The following RELN variants were observed in gnomAD, a reference collection of about 807,000 sequenced individuals.
RELN encodes reelin.
RELN carries 108 observed loss-of-function variants against 427.6 expected under a neutral mutation model. That is an observed-to-expected ratio of 0.25 (90% CI 0.22 to 0.30). The LOEUF (loss-of-function observed/expected upper bound fraction) is 0.30, where lower values mean the gene tolerates loss of function less well. Ranked by LOEUF, RELN falls within the 10% of genes least tolerant of loss-of-function variation. The probability of loss-of-function intolerance (pLI) is 1.00; values close to 1 mark genes in which losing one functional copy is unlikely to be tolerated. For missense variants in RELN, 3,715 were observed against 4,302.8 expected (o/e 0.86, Z 3.82); for synonymous variants, 1,524 against 1,513.4 (o/e 1.01, Z -0.16).
intron 7 of RELN, among the ~76,000 whole-genome samples, chr7:103,723,932 T>C (rs778539100): frequency 6.6e-6 from 1 of 152,180 alleles, no homozygotes; most frequent in Admixed American, 6.5e-5. Flanking sequence ...TAAGCAAAAT[T>C]TCCCCCTTCT....
chr7:103,752,960 G>A (rs1279314258), intron 5 of RELN, among the ~76,000 whole-genome samples: 3 of 152,108 alleles, frequency 2.0e-5, no homozygotes. Flanking sequence ...GTACTAACAG[G>A]TGTGAAAGTT....
chr7:103,707,010 T>C (rs192644511), intron 8 of RELN, among the ~76,000 whole-genome samples: 47 of 152,280 alleles, frequency 3.1e-4, no homozygotes, highest in African/African-American at 9.9e-4. Flanking sequence ...GGTCTCACTG[T>C]GTTGCACAGG....
At chr7:103,867,256 A>G (rs1029855928) in intron 2 of RELN, among the ~76,000 whole-genome samples, 2 of 152,106 alleles carry the variant, frequency 1.3e-5, no homozygotes, top group Non-Finnish European at 2.9e-5. Flanking sequence ...ACCGTGAAAC[A>G]GTACCTTCAT....
chr7:103,825,371 T>A (rs1793112157), intron 3 of RELN, among the ~76,000 whole-genome samples: 1 of 152,068 alleles, frequency 6.6e-6, no homozygotes, highest in Admixed American at 6.6e-5. Context: ...CCAGAGGCAA[T>A]TCTCACTTGT....
At position 103,531,441 on chromosome 7, in the gene RELN, G is replaced by A. The variant is rs562493008; in HGVS notation, c.7349+3875C>T. Among the ~76,000 whole-genome samples, 6 of 152,298 alleles carry A rather than the reference G, an allele frequency of 3.9e-5. No homozygotes were observed. In the South Asian group the frequency reaches 1.0e-3, roughly 26 times the overall value. Reference sequence around the variant, plus strand: ...AGCAATGTCTGGAGCAGAGCGTGATGTAGTCTGGAGCAGAGTGTGATGTAT... The same window carrying A: ...AGCAATGTCTGGAGCAGAGCGTGATATAGTCTGGAGCAGAGTGTGATGTAT... On this transcript the variant is annotated intron_variant, in intron 46 of 64. Coordinates refer to ENST00000428762, the MANE Select transcript of RELN (RefSeq NM_005045.4).
intron 28 of RELN, among the ~76,000 whole-genome samples, chr7:103,583,334 C>T (rs1186576946): frequency 1.3e-5 from 2 of 152,178 alleles, no homozygotes; most frequent in Admixed American, 1.3e-4. Flanking sequence ...CTAAAAAAAT[C>T]CCCTCTCATG....
intron 4 of RELN, 108 bp from the exon 5 acceptor site, chr7:103,753,322 C>T (rs750697885): frequency 6.4e-6 from 7 of 1,090,080 alleles, no homozygotes; most frequent in East Asian, 4.8e-5. Context: ...TTAAGCAAAT[C>T]AAATGGCTAC....
chr7:103,851,423 A>G (rs1333215709), intron 2 of RELN, among the ~76,000 whole-genome samples: 1 of 152,156 alleles, frequency 6.6e-6, no homozygotes, highest in Non-Finnish European at 1.5e-5. Flanking sequence ...AATCTCACAC[A>G]TCACCACTAA....
chr7:103,902,971 T>C (rs1207039710), intron 2 of RELN, among the ~76,000 whole-genome samples: 1 of 152,128 alleles, frequency 6.6e-6, no homozygotes, highest in Non-Finnish European at 1.5e-5. Context: ...TTTTCTTGGA[T>C]TTAACTGCCA....
chr7:103,929,029 T>A (rs537546132), intron 1 of RELN, among the ~76,000 whole-genome samples: 5 of 152,334 alleles, frequency 3.3e-5, no homozygotes, highest in Admixed American at 2.6e-4. Context: ...TGAGGTTAAG[T>A]CAGCATATCT....
At chr7:103,976,457 A>G (rs7787670) in intron 1 of RELN, among the ~76,000 whole-genome samples, 106,676 of 152,138 alleles carry the variant, frequency 0.7, 37,957 homozygotes, top group African/African-American at 0.82. Flanking sequence ...GAAGTGGCTG[A>G]GGCAATGGCA....
chr7:103,552,252 T>C (rs1830429637), intron 40 of RELN, among the ~76,000 whole-genome samples: 2 of 152,194 alleles, frequency 1.3e-5, no homozygotes, highest in African/African-American at 4.8e-5. Context: ...CAATTCTTTC[T>C]ATAAAAAATT....
At chr7:103,733,017 T>C (rs1257550383) in intron 6 of RELN, among the ~76,000 whole-genome samples, 2 of 152,124 alleles carry the variant, frequency 1.3e-5, no homozygotes, top group African/African-American at 4.8e-5. Context: ...TGGTAATGCC[T>C]AGGTTTTCTT....
intron 10 of RELN, among the ~76,000 whole-genome samples, chr7:103,695,238 C>A (rs2299368): frequency 0.16 from 23,855 of 151,824 alleles, 2,166 homozygotes; most frequent in East Asian, 0.3. Flanking sequence ...GATGGTGGAA[C>A]CAAAAAACAA....
rs752958202 is a variant in RELN, at chr7:103,551,113, C to T, written c.6256G>A (p.Gly2086Ser). 1.1e-5 allele frequency: 18 copies of T among 1,613,878 alleles called. No individual in the cohort carries two copies. Among genetic ancestry groups the T allele is most frequent in the Non-Finnish European group, 1.4e-5 (17 of 1,180,042 alleles). Residue 2086 changes from glycine (G) to serine (S), a missense_variant, in exon 41 of 65, where the codon GGC (glycine) becomes AGC (serine). This residue lies in a region of RELN where 1,310 missense variants were observed against 1,643.0 expected (regional missense o/e 0.80). Transcript: ENST00000428762. ...SSTYYAGTMQGWRREVVHFGK... is the reference protein window; with the variant it reads ...SSTYYAGTMQSWRREVVHFGK... ...AAGTGCACGACCTCCCTCCTCCAGC[C>T]CTGCATGGTTCCTGCGTAGTAGGTG...
chr7:103,926,470 T>C (rs1292598822), intron 1 of RELN, among the ~76,000 whole-genome samples: 1 of 152,026 alleles, frequency 6.6e-6, no homozygotes, highest in Non-Finnish European at 1.5e-5. Flanking sequence ...TGCAACAACT[T>C]TATGCTTGTG....
At chr7:103,648,791 C>T (rs79010511) in intron 16 of RELN, among the ~76,000 whole-genome samples, 6,108 of 152,030 alleles carry the variant, frequency 0.04, 164 homozygotes, top group East Asian at 0.14. Context: ...CATGAGCAAA[C>T]AGTTTTCAAA....
At chr7:103,619,281 A>T (rs887465319) in intron 20 of RELN, among the ~76,000 whole-genome samples, 1 of 152,202 alleles carries the variant, frequency 6.6e-6, no homozygotes, top group Non-Finnish European at 1.5e-5. Context: ...CACAATGGCC[A>T]TGATGACCAC....
intron 1 of RELN, among the ~76,000 whole-genome samples, chr7:103,947,697 T>C (rs892172962): frequency 6.6e-6 from 1 of 152,206 alleles, no homozygotes; most frequent in Non-Finnish European, 1.5e-5. Context: ...TACAGTAACA[T>C]AGTAAAATGT....
Sources: gnomAD v4.1 joint callset for allele counts (sites outside exome capture counted in the v4.1 genomes callset) on GRCh38, gnomAD v4.1.1 for gene constraint, gnomAD v4.1.1 regional missense constraint, MANE v1.5 for transcripts, NCBI Gene and HGNC (gene_info 2026-07-23, HGNC 2026-07-21) for gene names.